Variants in NXPH1 observed in about 807,000 individuals in gnomAD.
The protein encoded by NXPH1 is neurexophilin-1.
A neutral mutation model predicts 23.7 loss-of-function variants in NXPH1; 5 were observed. That is an observed-to-expected ratio of 0.21 (90% confidence interval 0.11 to 0.44). NXPH1 has a LOEUF of 0.44. Ranked by LOEUF, NXPH1 falls within the 20% of genes least tolerant of loss-of-function variation. NXPH1 has a pLI of 0.99. For synonymous variants in NXPH1, 144 were observed against 122.2 expected (o/e 1.18, Z -1.18); for missense variants, 324 against 321.6 (o/e 1.01, Z -0.06).
intron 2 of NXPH1, among the ~76,000 whole-genome samples, chr7:8,470,613 G>A (rs6463813): frequency 0.59 from 89,897 of 152,038 alleles, 29,154 homozygotes; most frequent in African/African-American, 0.87. Context: ...TGAAGTGTCA[G>A]ACCTTTACTG....
At chr7:8,589,337 G>C (rs1819043646) in intron 2 of NXPH1, among the ~76,000 whole-genome samples, 1 of 152,054 alleles carries the variant, frequency 6.6e-6, no homozygotes, top group Non-Finnish European at 1.5e-5. Context: ...AGATTTTTGA[G>C]CAAGACTTCT....
chr7:8,649,440 G>A (rs1323457800), intron 2 of NXPH1, among the ~76,000 whole-genome samples: 1 of 152,024 alleles, frequency 6.6e-6, no homozygotes, highest in Non-Finnish European at 1.5e-5. Flanking sequence ...CTGTGTGTAT[G>A]TGCACCTGCA....
intron 2 of NXPH1, among the ~76,000 whole-genome samples, chr7:8,478,103 T>C (rs1318471442): frequency 1.3e-5 from 2 of 152,098 alleles, no homozygotes; most frequent in African/African-American, 2.4e-5. Flanking sequence ...TGGAGATTTC[T>C]CTGAGATTGG....
chr7:8,750,267 G>T (rs1036687303), intron 2 of NXPH1, among the ~76,000 whole-genome samples: 1 of 152,290 alleles, frequency 6.6e-6, no homozygotes, highest in South Asian at 2.1e-4. Flanking sequence ...TATGGATAAC[G>T]AAATAGTCTA....
chr7:8,714,712 C>T (rs1200599666), intron 2 of NXPH1, among the ~76,000 whole-genome samples: 1 of 152,040 alleles, frequency 6.6e-6, no homozygotes, highest in African/African-American at 2.4e-5. Context: ...CCTTTCTGGC[C>T]TAGGTTGTAT....
intron 2 of NXPH1, among the ~76,000 whole-genome samples, chr7:8,688,846 G>A (rs111631075): frequency 1.8e-4 from 27 of 152,288 alleles, no homozygotes; most frequent in Middle Eastern, 3.4e-3. Context: ...ATTGATAAAT[G>A]TTGCAGAACA....
intron 2 of NXPH1, among the ~76,000 whole-genome samples, chr7:8,597,174 G>T (rs1353469856): frequency 6.6e-6 from 1 of 152,086 alleles, no homozygotes; most frequent in Non-Finnish European, 1.5e-5. Flanking sequence ...TTTAAATGGG[G>T]TGGGAGTGGG....
intron 2 of NXPH1, among the ~76,000 whole-genome samples, chr7:8,721,048 T>C (rs1197383795): frequency 6.6e-6 from 1 of 152,232 alleles, no homozygotes; most frequent in Non-Finnish European, 1.5e-5. Flanking sequence ...GGGTAACAGA[T>C]GCCATTAGAA....
intron 2 of NXPH1, among the ~76,000 whole-genome samples, chr7:8,479,383 G>C (rs1023787070): frequency 6.6e-6 from 1 of 152,090 alleles, no homozygotes; most frequent in Non-Finnish European, 1.5e-5. Context: ...GTGTATCTTT[G>C]AGCATTAGAA....
intron 2 of NXPH1, among the ~76,000 whole-genome samples, chr7:8,641,900 G>T (rs1376453498): frequency 6.6e-6 from 1 of 152,082 alleles, no homozygotes; most frequent in Non-Finnish European, 1.5e-5. Context: ...TTCACTCAAT[G>T]AATGTGTGAA....
intron 2 of NXPH1, among the ~76,000 whole-genome samples, chr7:8,509,851 G>A (rs1817585807): frequency 6.6e-6 from 1 of 152,088 alleles, no homozygotes; most frequent in African/African-American, 2.4e-5. Context: ...GGGAAGCTGG[G>A]CAACAACATT....
At chr7:8,716,438 T>A (rs1779880006) in intron 2 of NXPH1, among the ~76,000 whole-genome samples, 1 of 152,220 alleles carries the variant, frequency 6.6e-6, no homozygotes, top group Admixed American at 6.5e-5. Context: ...GATTATAAAA[T>A]GTCAGTGTGA....
chr7:8,700,254 A>C (rs996592638), intron 2 of NXPH1, among the ~76,000 whole-genome samples: 1 of 152,188 alleles, frequency 6.6e-6, no homozygotes, highest in Non-Finnish European at 1.5e-5. Context: ...ATATTGCCTA[A>C]GAAGGAGGTT....
chr7:8,556,402 C>T (rs1818359372), intron 2 of NXPH1, among the ~76,000 whole-genome samples: 1 of 151,686 alleles, frequency 6.6e-6, no homozygotes, highest in South Asian at 2.1e-4. Flanking sequence ...TGCTCACTCA[C>T]CTGGCTGTCA....
rs1247706256 is a variant in NXPH1 at position 8,435,182 on chromosome 7, T to G, written c.-110-422T>G. 6.0e-6 allele frequency: 1 copy of G among 166,572 alleles called. No homozygotes were observed. The highest frequency in any genetic ancestry group is 1.7e-4 in the East Asian group (1 of 5,774). The allele number at this position is 166,572 out of a possible 1,614,324, so 10.3% of individuals were successfully genotyped here. On this transcript the variant is annotated intron_variant, in intron 1 of 2. Transcript: ENST00000405863. The surrounding 1 kb of genome is among the most constrained non-coding windows in gnomAD (Gnocchi z 5.9). ...TCTCCCTTTATCTTTCCCCTCTATC[T>G]CTCTCTGCTGGTGTGTACGTGTGTG...
chr7:8,543,310 A>G (rs1347977502), intron 2 of NXPH1, among the ~76,000 whole-genome samples: 4 of 151,656 alleles, frequency 2.6e-5, no homozygotes, highest in East Asian at 2.0e-4. Flanking sequence ...GCAAGCTCCC[A>G]TCTTACCTGC....
At chr7:8,601,975 T>A (rs1819372616) in intron 2 of NXPH1, among the ~76,000 whole-genome samples, 1 of 152,250 alleles carries the variant, frequency 6.6e-6, no homozygotes, top group Non-Finnish European at 1.5e-5. Flanking sequence ...CTTTTATGAC[T>A]TTCAATTTTC....
chr7:8,708,537 T>C (rs1436315255), intron 2 of NXPH1, among the ~76,000 whole-genome samples: 1 of 151,882 alleles, frequency 6.6e-6, no homozygotes, highest in East Asian at 1.9e-4. Flanking sequence ...ATTTTTTGTA[T>C]TTTTAGTAGA....
At chr7:8,528,184 C>G (rs1054950872) in intron 2 of NXPH1, among the ~76,000 whole-genome samples, 1 of 152,220 alleles carries the variant, frequency 6.6e-6, no homozygotes, top group African/African-American at 2.4e-5. Flanking sequence ...AAAGGCTTAT[C>G]TTGCAAAGCC....
Sources: gnomAD v4.1 joint callset for allele counts (sites outside exome capture counted in the v4.1 genomes callset) on GRCh38, gnomAD v4.1.1 for gene constraint, Gnocchi (gnomAD v3.1) non-coding constraint, MANE v1.5 for transcripts, NCBI Gene and HGNC (gene_info 2026-07-23, HGNC 2026-07-21) for gene names.